Variants in LMBR1 observed in about 807,000 individuals in gnomAD.
LMBR1 encodes the protein limb development membrane protein 1.
In LMBR1, 52 loss-of-function variants were observed where a neutral mutation model predicts 73.9. That is an observed-to-expected ratio of 0.70 (90% CI 0.56 to 0.89). The LOEUF (loss-of-function observed/expected upper bound fraction) is 0.89, where lower values mean the gene tolerates loss of function less well. Among genes scored for constraint, LMBR1 ranks in the 40% least tolerant of loss-of-function variants. LMBR1 has a pLI of 0.00. For synonymous variants in LMBR1, 215 were observed against 209.4 expected (o/e 1.03, Z -0.23); for missense variants, 539 against 579.8 (o/e 0.93, Z 0.72).
chr7:156,828,995 G>A (rs1324601288), intron 3 of LMBR1, among the ~76,000 whole-genome samples: 1 of 152,162 alleles, frequency 6.6e-6, no homozygotes, highest in Non-Finnish European at 1.5e-5. Context: ...CTCATTAGAC[G>A]CCCCTTTCCC....
intron 1 of LMBR1, among the ~76,000 whole-genome samples, chr7:156,864,794 G>A (rs1019554978): frequency 2.0e-5 from 3 of 151,902 alleles, no homozygotes; most frequent in African/African-American, 2.4e-5. Flanking sequence ...TCAAGAGTTC[G>A]AGACCAGCCT....
rs115380928 is a variant in LMBR1, at chr7:156,764,764, G to A, written c.424-969C>T. 3.5e-3 allele frequency among the ~76,000 whole-genome samples: 540 copies of A among 152,162 alleles called. 6 individuals carry two copies. Among genetic ancestry groups the A allele is most frequent in the African/African-American group, 0.012 (514 of 41,506 alleles). ...AGTATTACTTTCTAGTTTCTGAATT[G>A]CAGGAATAGGATGCATTAAAATCAC... On this transcript the variant is annotated intron_variant, in intron 5 of 16. Coordinates refer to ENST00000353442, the MANE Select transcript of LMBR1 (RefSeq NM_022458.4).
At chr7:156,885,770 T>C (rs995110899) in intron 1 of LMBR1, among the ~76,000 whole-genome samples, 3 of 152,002 alleles carry the variant, frequency 2.0e-5, no homozygotes, top group African/African-American at 4.8e-5. Flanking sequence ...TCCCAGCTAC[T>C]GGGAGGCTGA....
chr7:156,685,902 C>G lies in LMBR1; in HGVS notation c.1388-1739G>C, dbSNP rs1805910739. Among the ~76,000 whole-genome samples the G allele has an allele frequency of 6.6e-6, 1 of 152,176 alleles. No individual in the cohort carries two copies. Among genetic ancestry groups the G allele is most frequent in the African/African-American group, 2.4e-5 (1 of 41,420 alleles). On this transcript the variant is annotated intron_variant, in intron 16 of 16. Coordinates refer to ENST00000353442, the MANE Select transcript of LMBR1 (RefSeq NM_022458.4). This position sits in a 1 kb window ranked among gnomAD's most constrained non-coding sequence, Gnocchi z 4.1. ...TTACATCACTCATAAACTAATATAG[C>G]ACTCCAAATTTTAATCTTCCTGTCA...
intron 16 of LMBR1, among the ~76,000 whole-genome samples, chr7:156,687,534 T>C (rs1340719908): frequency 6.6e-6 from 1 of 152,226 alleles, no homozygotes. Flanking sequence ...ATCCCCTCTC[T>C]TCTATTACAT....
At chr7:156,708,948 C>G (rs1811539417) in intron 15 of LMBR1, among the ~76,000 whole-genome samples, 1 of 152,114 alleles carries the variant, frequency 6.6e-6, no homozygotes, top group African/African-American at 2.4e-5. Flanking sequence ...GCCAAGATCC[C>G]CTCTGGAACA....
At chr7:156,798,480 G>A (rs973955190) in intron 4 of LMBR1, among the ~76,000 whole-genome samples, 3 of 152,024 alleles carry the variant, frequency 2.0e-5, no homozygotes, top group Non-Finnish European at 4.4e-5. Flanking sequence ...ACAGCCTATG[G>A]GTAAAGGTAT....
At chr7:156,884,146 A>C (rs1325044412) in intron 1 of LMBR1, among the ~76,000 whole-genome samples, 1 of 152,226 alleles carries the variant, frequency 6.6e-6, no homozygotes, top group Non-Finnish European at 1.5e-5. Context: ...TTCCACTAGA[A>C]GACTTTACAA....
chr7:156,868,821 C>A (rs6969335), intron 1 of LMBR1, among the ~76,000 whole-genome samples: 40,192 of 151,854 alleles, frequency 0.26, 5,625 homozygotes, highest in East Asian at 0.42. Flanking sequence ...TAAAACTTAG[C>A]CAGGCATGGT....
At chr7:156,772,184 G>A (rs1825313294) in intron 5 of LMBR1, among the ~76,000 whole-genome samples, 1 of 152,156 alleles carries the variant, frequency 6.6e-6, no homozygotes. Context: ...TGAGGCAGGA[G>A]AATCACTTGA....
chr7:156,692,221 C>T (rs898217679), intron 15 of LMBR1, among the ~76,000 whole-genome samples: 14 of 152,094 alleles, frequency 9.2e-5, no homozygotes, highest in African/African-American at 3.1e-4. Context: ...GGAATACAGG[C>T]GCCCACCACC....
At chr7:156,887,095 G>A (rs1802031568) in intron 1 of LMBR1, among the ~76,000 whole-genome samples, 1 of 152,154 alleles carries the variant, frequency 6.6e-6, no homozygotes, top group East Asian at 1.9e-4. Context: ...AGTCAAATAT[G>A]ATCACTAAAG....
rs973647057 is a variant in LMBR1 at position 156,840,676 on chromosome 7, G to A, written c.67-3791C>T. ...TAAGTGCTATGCAGAAAATAAACTG[G>A]AGGCCGGGCGCGGTGGCTCACTCCT... is the stretch of plus-strand genomic sequence containing the variant. On this transcript the variant is annotated intron_variant, in intron 1 of 16. Transcript: ENST00000353442. 6.6e-5 allele frequency among the ~76,000 whole-genome samples: 10 copies of A among 151,966 alleles called. No individual in the cohort carries two copies. In the South Asian group the frequency reaches 1.0e-3, roughly 16 times the overall value.
intron 15 of LMBR1, among the ~76,000 whole-genome samples, chr7:156,720,280 A>C (rs1394473798): frequency 6.6e-6 from 1 of 152,204 alleles, no homozygotes; most frequent in African/African-American, 2.4e-5. Context: ...ATTACCTCTT[A>C]AGGTTCCCTC....
intron 1 of LMBR1, among the ~76,000 whole-genome samples, chr7:156,841,325 A>C (rs1586164858): frequency 6.6e-6 from 1 of 152,112 alleles, no homozygotes; most frequent in East Asian, 1.9e-4. Flanking sequence ...GTTGGATAAA[A>C]ATCTGTACCA....
At chr7:156,811,420 G>C (rs934304592) in intron 4 of LMBR1, among the ~76,000 whole-genome samples, 2 of 151,700 alleles carry the variant, frequency 1.3e-5, no homozygotes, top group Non-Finnish European at 2.9e-5. Flanking sequence ...AACCATCCTG[G>C]CCAACATGGT....
chr7:156,824,767 C>T (rs1044297812), intron 4 of LMBR1, among the ~76,000 whole-genome samples: 6 of 151,910 alleles, frequency 3.9e-5, no homozygotes, highest in African/African-American at 1.5e-4. Context: ...ATCACCTGAG[C>T]CCAGGAGGTG....
intron 4 of LMBR1, among the ~76,000 whole-genome samples, chr7:156,797,674 T>C (rs78780562): frequency 0.032 from 4,842 of 152,302 alleles, 122 homozygotes; most frequent in South Asian, 0.085. Context: ...TGTCCTAATG[T>C]CCTTTGGAAT....
chr7:156,874,377 T>G (rs968301912), intron 1 of LMBR1, among the ~76,000 whole-genome samples: 1 of 152,186 alleles, frequency 6.6e-6, no homozygotes, highest in South Asian at 2.1e-4. Flanking sequence ...CTCCCGCTCG[T>G]GCCTCTCCCT....
Sources: gnomAD v4.1 joint callset for allele counts (sites outside exome capture counted in the v4.1 genomes callset) on GRCh38, gnomAD v4.1.1 for gene constraint, Gnocchi (gnomAD v3.1) non-coding constraint, MANE v1.5 for transcripts, NCBI Gene and HGNC (gene_info 2026-07-23, HGNC 2026-07-21) for gene names.